SYNE2: variants seen among roughly 807,000 people sequenced by gnomAD.
SYNE2 encodes the protein nesprin-2.
SYNE2 carries 431 observed loss-of-function variants against 856.3 expected under a neutral mutation model. The observed-to-expected ratio is 0.50, with a 90% CI of 0.47 to 0.55. The LOEUF (loss-of-function observed/expected upper bound fraction) is 0.55, where lower values mean the gene tolerates loss of function less well. SYNE2 is among the 20% of genes least tolerant of loss of function. The pLI is 0.00. For synonymous variants in SYNE2, 2,923 were observed against 2,872.3 expected, an observed-to-expected ratio of 1.02 and a Z score of -0.56; for missense variants, 8,129 against 8,023.2, an observed-to-expected ratio of 1.01 and a Z score of -0.50.
intron 45 of SYNE2, chr14:64,034,590 C>T: frequency 1.8e-6 from 1 of 542,864 alleles, no homozygotes. Context: ...AGATGAAATG[C>T]AGGTGATTTT....
At chr14:63,853,978 T>G (rs1243397409) in intron 1 of SYNE2, among the ~76,000 whole-genome samples, 1 of 152,110 alleles carries the variant, frequency 6.6e-6, no homozygotes, top group Non-Finnish European at 1.5e-5. Context: ...CTTATTTGAT[T>G]GAGGCTGAGA....
chr14:63,998,179 GT>G (rs2096727449), intron 25 of SYNE2, 39 bp from the exon 26 acceptor site: 1 of 1,356,686 alleles, frequency 7.4e-7, no homozygotes, highest in Non-Finnish European at 1.1e-6. Context: ...TAAAAAGTAT[GT>G]TTAAGATATT....
chr14:64,218,015 A>G (rs2098675035), intron 108 of SYNE2, among the ~76,000 whole-genome samples: 1 of 152,244 alleles, frequency 6.6e-6, no homozygotes, highest in South Asian at 2.1e-4. Flanking sequence ...GATAACTAAA[A>G]TTCTGTAAAA....
intron 57 of SYNE2, 113 bp downstream of exon 57, chr14:64,081,693 A>C: frequency 8.1e-7 from 1 of 1,240,042 alleles, no homozygotes; most frequent in South Asian, 1.2e-5. Flanking sequence ...CCTTACCGCT[A>C]ACCATGTCAG....
chr14:64,220,940 T>G (rs1288760070), intron 111 of SYNE2, among the ~76,000 whole-genome samples: 1 of 151,898 alleles, frequency 6.6e-6, no homozygotes, highest in African/African-American at 2.4e-5. Flanking sequence ...TTTGCCAGAG[T>G]GATTAAGAGA....
intron 63 of SYNE2, 121 bp from the exon 64 acceptor site, chr14:64,101,811 A>C (rs2097732154): frequency 2.7e-6 from 2 of 729,302 alleles, no homozygotes; most frequent in Non-Finnish European, 5.0e-6. Flanking sequence ...ACTGCAATAA[A>C]GGGCTGTGGT....
intron 58 of SYNE2, among the ~76,000 whole-genome samples, chr14:64,089,323 G>A (rs1004126692): frequency 1.2e-4 from 16 of 128,812 alleles, no homozygotes; most frequent in African/African-American, 4.5e-4. Flanking sequence ...CAGAGATCGC[G>A]ACATTGCACT....
In SYNE2 at chr14:64,087,806, T is replaced by C. The variant is rs2097575240; in HGVS notation, c.11620T>C (p.Leu3874=). Reference sequence around the variant, plus strand: ...AGAGTTAAGTAATCAAGTAACAGCTTTACAACAAAAAATAATGGAAAGCCT... The same window carrying C: ...AGAGTTAAGTAATCAAGTAACAGCTCTACAACAAAAAATAATGGAAAGCCT... ...IQELSNQVTA[L]QQKIMESLPQ... Residue 3874 remains leucine, a synonymous_variant, in exon 58 of 116, where the codon TTA becomes CTA. Transcript: ENST00000555002. 1 of 1,614,096 alleles carries C rather than the reference T, an allele frequency of 6.2e-7. No individual in the cohort carries two copies. The highest frequency in any genetic ancestry group is 1.1e-5 in the South Asian group (1 of 91,086).
chr14:63,979,120 G>A, intron 14 of SYNE2, 106 bp downstream of exon 14: 1 of 1,124,162 alleles, frequency 8.9e-7, no homozygotes, highest in Non-Finnish European at 1.3e-6. Flanking sequence ...TTTTGAGATG[G>A]GTTTTCTTGG....
intron 11 of SYNE2, among the ~76,000 whole-genome samples, chr14:63,974,878 G>GTC (rs1566949539): frequency 3.4e-5 from 1 of 29,350 alleles, no homozygotes; most frequent in East Asian, 1.5e-3. Context: ...GTGTGTGTGT[G>GTC]TGTGTGTGTG....
chr14:64,205,591 C>T (rs537368101), intron 100 of SYNE2, among the ~76,000 whole-genome samples: 8 of 152,322 alleles, frequency 5.3e-5, no homozygotes, highest in African/African-American at 1.7e-4. Flanking sequence ...ATGATGTCCC[C>T]GGATCCTCAC....
chr14:64,138,949 G>GTA (rs2098118903), intron 79 of SYNE2, among the ~76,000 whole-genome samples: 1 of 93,464 alleles, frequency 1.1e-5, no homozygotes, highest in African/African-American at 3.9e-5. Context: ...TATGTATGGT[G>GTA]TGTGTGTGTG....
Position 64,177,456 on chromosome 14 carries a change from C to T in SYNE2, c.17529C>T (p.Asp5843=), listed in dbSNP as rs1166564255. 2.0e-5 allele frequency: 32 copies of T among 1,613,992 alleles called. No homozygotes were observed. Among genetic ancestry groups the T allele is most frequent in the Non-Finnish European group, 2.5e-5 (30 of 1,180,024 alleles). The change falls in exon 96 of 116, where the codon GAC becomes GAT. Residue 5843 remains aspartate (D), a synonymous_variant. Coordinates refer to ENST00000555002, the MANE Select transcript of SYNE2 (RefSeq NM_182914.3). ...SEDPLPELHE[D]LHNEKELIKE... is the part of the protein sequence containing the mutation. ...ATCCTCTTCCAGAGCTTCACGAGGA[C>T]CTCCATAACGAAAAAGAGCTGATTA...
chr14:64,185,519 C>CTTTTTTTTTTTTTTTT (rs66490444), intron 96 of SYNE2, among the ~76,000 whole-genome samples: 6 of 77,436 alleles, frequency 7.7e-5, no homozygotes, highest in Non-Finnish European at 1.2e-4. Flanking sequence ...TTTTCTTTTT[C>CTTTTTTTTTTTTTTTT]TTTTTTTTTT....
chr14:64,171,106 A>G (rs1436835800), intron 94 of SYNE2, among the ~76,000 whole-genome samples: 1 of 152,192 alleles, frequency 6.6e-6, no homozygotes, highest in Non-Finnish European at 1.5e-5. Context: ...AAAAAAAATA[A>G]AAATAAAGGG....
chr14:63,940,439 GGTTTT>G (rs1462370111), intron 2 of SYNE2, among the ~76,000 whole-genome samples, 170 bp from the exon 3 acceptor site: 3 of 150,566 alleles, frequency 2.0e-5, no homozygotes, highest in Non-Finnish European at 3.0e-5. Context: ...GTATCAACAT[GGTTTT>G]TCTAAAACAC....
chr14:64,162,215 A>C lies in SYNE2; in HGVS notation c.16238A>C (p.Asn5413Thr), dbSNP rs771476755. The C allele has an allele frequency of 6.2e-7, 1 of 1,614,238 alleles. No homozygotes were observed. The highest frequency in any genetic ancestry group is 1.1e-5 in the South Asian group (1 of 91,082). The change falls in exon 88 of 116, where the codon AAC (asparagine) becomes ACC (threonine). Residue 5413 changes from asparagine (N) to threonine (T), a missense_variant. By Grantham distance (65) the Asn-to-Thr change is moderately conservative. This residue lies in a region of SYNE2 where 5,410 missense variants were observed against 5,284.8 expected (regional missense o/e 1.02). Transcript: ENST00000555002. Reference sequence around the variant, plus strand: ...GAAGCAAAGTTTCAACAGCTCGCAAACATCAGCATGTCTGGAAACAACCTG... The same window carrying C: ...GAAGCAAAGTTTCAACAGCTCGCAACCATCAGCATGTCTGGAAACAACCTG... ...QQEAKFQQLANISMSGNNLAE... is the reference protein window; with the variant it reads ...QQEAKFQQLATISMSGNNLAE...
chr14:64,158,184 T>C (rs1034009645), intron 85 of SYNE2, among the ~76,000 whole-genome samples: 2 of 152,234 alleles, frequency 1.3e-5, no homozygotes, highest in African/African-American at 4.8e-5. Context: ...ATTTATAATG[T>C]TGTGCTGTTG....
At chr14:64,094,542 C>T (rs910011895) in intron 61 of SYNE2, among the ~76,000 whole-genome samples, 3 of 151,852 alleles carry the variant, frequency 2.0e-5, no homozygotes, top group African/African-American at 7.3e-5. Context: ...CAAATTGATA[C>T]AGGCAAGCAA....
Sources: gnomAD v4.1 joint callset for allele counts (sites outside exome capture counted in the v4.1 genomes callset) on GRCh38, gnomAD v4.1.1 for gene constraint, gnomAD v4.1.1 regional missense constraint, MANE v1.5 for transcripts, NCBI Gene and HGNC (gene_info 2026-07-23, HGNC 2026-07-21) for gene names.